CCDC126: variants seen among roughly 807,000 people sequenced by gnomAD.
CCDC126 encodes coiled-coil domain containing 126, also known as coiled-coil domain-containing protein 126.
A neutral mutation model predicts 11.7 loss-of-function variants in CCDC126; 5 were observed. The observed-to-expected ratio is 0.43, with a 90% CI of 0.22 to 0.90. CCDC126 has a LOEUF of 0.90. Among genes scored for constraint, CCDC126 ranks in the 40% least tolerant of loss-of-function variants. The probability of loss-of-function intolerance (pLI) is 0.27; values close to 1 mark genes in which losing one functional copy is unlikely to be tolerated. For synonymous variants in CCDC126, 60 were observed against 61.9 expected, an observed-to-expected ratio of 0.97 and a Z score of 0.14; for missense variants, 150 against 163.1, an observed-to-expected ratio of 0.92 and a Z score of 0.44.
At chr7:23,613,511 C>T (rs919962933) in intron 3 of CCDC126, among the ~76,000 whole-genome samples, 9 of 152,066 alleles carry the variant, frequency 5.9e-5, no homozygotes, top group Admixed American at 2.6e-4. Context: ...AGCTCCTTTC[C>T]GATTTTTCAG....
chr7:23,636,245 C>A (rs1289980921), intron 3 of CCDC126, among the ~76,000 whole-genome samples: 6 of 152,212 alleles, frequency 3.9e-5, no homozygotes, highest in Admixed American at 6.5e-5. Flanking sequence ...CCTTGGCCCC[C>A]CAAAGTGCCG....
At chr7:23,606,222 C>A (rs555084540) in intron 2 of CCDC126, among the ~76,000 whole-genome samples, 79 of 151,998 alleles carry the variant, frequency 5.2e-4, no homozygotes, top group Non-Finnish European at 1.0e-3. Flanking sequence ...CCACACCCAG[C>A]TAATTTTTTG....
At chr7:23,605,128 C>A (rs1782602355) in intron 2 of CCDC126, among the ~76,000 whole-genome samples, 1 of 151,696 alleles carries the variant, frequency 6.6e-6, no homozygotes, top group Non-Finnish European at 1.5e-5. Context: ...TGAAAAGGAA[C>A]AGGTTGTAGG....
intron 3 of CCDC126, among the ~76,000 whole-genome samples, chr7:23,621,055 A>G (rs1215670841): frequency 1.3e-5 from 2 of 152,288 alleles, no homozygotes; most frequent in African/African-American, 4.8e-5. Flanking sequence ...CTGACTTGGC[A>G]ATGCGGGCTC....
At chr7:23,638,727 T>TAAAAAAAA (rs70954398) in intron 3 of CCDC126, among the ~76,000 whole-genome samples, 1 of 89,668 alleles carries the variant, frequency 1.1e-5, no homozygotes, top group African/African-American at 4.0e-5. Context: ...AAAAAAAAAT[T>TAAAAAAAA]AAAAAAAAAA....
rs552187128 is a variant in CCDC126 at position 23,606,810 on chromosome 7, C to A, written c.-145-4361C>A. Among the ~76,000 whole-genome samples the A allele has an allele frequency of 3.9e-5, 6 of 152,190 alleles. No homozygotes were observed. The East Asian group carries it at 1.2e-3, about 29-fold the overall frequency. ...AAACTCCAGACCAGGCACAGTGGCTCACACCTGCCATCCCTTTGGAAAGGC... is the reference window on the plus strand; with the variant it reads ...AAACTCCAGACCAGGCACAGTGGCTAACACCTGCCATCCCTTTGGAAAGGC... On this transcript the variant is annotated intron_variant, in intron 2 of 3. Coordinates refer to ENST00000307471, the MANE Select transcript of CCDC126 (RefSeq NM_138771.4).
At chr7:23,639,795 CCA>C (rs1376429777) in intron 3 of CCDC126, among the ~76,000 whole-genome samples, 1 of 151,372 alleles carries the variant, frequency 6.6e-6, no homozygotes, top group Non-Finnish European at 1.5e-5. Context: ...TCTATCACGA[CCA>C]CTACGGTAGT....
At chr7:23,633,789 G>A (rs1346040395) in intron 3 of CCDC126, among the ~76,000 whole-genome samples, 1 of 152,120 alleles carries the variant, frequency 6.6e-6, no homozygotes, top group East Asian at 1.9e-4. Flanking sequence ...CGAGGTCGAG[G>A]CTGCAATGAG....
intron 3 of CCDC126, among the ~76,000 whole-genome samples, chr7:23,625,432 G>C (rs1782998125): frequency 6.6e-6 from 1 of 152,102 alleles, no homozygotes; most frequent in Non-Finnish European, 1.5e-5. Context: ...TCCCGTCAGT[G>C]GGAAGGTGAC....
chr7:23,615,034 G>T (rs1027354824), intron 3 of CCDC126, among the ~76,000 whole-genome samples: 4 of 152,198 alleles, frequency 2.6e-5, no homozygotes, highest in African/African-American at 4.8e-5. Context: ...GTCATTTGAA[G>T]CTTTGAAGTC....
intron 3 of CCDC126, among the ~76,000 whole-genome samples, chr7:23,617,616 A>G (rs1046261419): frequency 6.6e-6 from 1 of 152,086 alleles, no homozygotes; most frequent in Admixed American, 6.6e-5. Context: ...GACTTCTCAT[A>G]CCAACTACCT....
chr7:23,643,238 G>GCAATTTAAT lies in CCDC126; in HGVS notation c.*123_*124insCAATTTAAT. 1.2e-6 allele frequency: 1 copy of GCAATTTAAT among 823,290 alleles called. No homozygotes were observed. 51.0% of individuals were successfully genotyped at this position (823,290 alleles called of 1,614,324 possible). On this transcript the variant is annotated 3_prime_UTR_variant, in exon 4 of 4. Coordinates refer to ENST00000307471, the MANE Select transcript of CCDC126 (RefSeq NM_138771.4). ...CAATAAAAGCTCTACACATTTTCAA[G>GCAATTTAAT]GAGTATGCTGGATTCATGGAACTCT...
At chr7:23,630,620 G>T (rs1783093167) in intron 3 of CCDC126, among the ~76,000 whole-genome samples, 1 of 148,692 alleles carries the variant, frequency 6.7e-6, no homozygotes, top group Non-Finnish European at 1.5e-5. Context: ...TAGGGAGTCT[G>T]AGGTGGGAGG....
intron 2 of CCDC126, among the ~76,000 whole-genome samples, chr7:23,599,308 C>T (rs984669759): frequency 3.3e-5 from 5 of 152,118 alleles, no homozygotes; most frequent in Non-Finnish European, 5.9e-5. Context: ...CCTTCAGCTC[C>T]TTCTGCCAAC....
chr7:23,615,994 A>G (rs1322060711), intron 3 of CCDC126, among the ~76,000 whole-genome samples: 1 of 152,270 alleles, frequency 6.6e-6, no homozygotes, highest in Non-Finnish European at 1.5e-5. Context: ...GACTTGCTCC[A>G]TGCAGAGTTG....
chr7:23,629,127 G>T (rs187219727), intron 3 of CCDC126, among the ~76,000 whole-genome samples: 1 of 152,304 alleles, frequency 6.6e-6, no homozygotes, highest in East Asian at 1.9e-4. Context: ...AATGAAAAAT[G>T]ACAGTGACTG....
chr7:23,600,244 T>G (rs1474993054), intron 2 of CCDC126, among the ~76,000 whole-genome samples: 2 of 152,210 alleles, frequency 1.3e-5, no homozygotes, highest in African/African-American at 4.8e-5. Context: ...ATGTGCCATC[T>G]AAAAATGATC....
chr7:23,601,940 C>T (rs974046983), intron 2 of CCDC126: 2 of 152,160 alleles, frequency 1.3e-5, no homozygotes, highest in Non-Finnish European at 2.9e-5. Context: ...CCCACCTCAA[C>T]CTTGTAAAGT....
chr7:23,632,806 T>A (rs1350998027), intron 3 of CCDC126, among the ~76,000 whole-genome samples: 1 of 152,240 alleles, frequency 6.6e-6, no homozygotes, highest in Non-Finnish European at 1.5e-5. Flanking sequence ...ATCTCAGAAT[T>A]CCTATTAGAT....
Sources: allele counts gnomAD v4.1 joint callset (sites outside exome capture counted in the v4.1 genomes callset), GRCh38; gene constraint gnomAD v4.1.1; transcripts MANE v1.5; gene names NCBI Gene and HGNC (gene_info 2026-07-23, HGNC 2026-07-21).